Variants in SVEP1 observed in about 807,000 individuals in gnomAD.
The protein encoded by SVEP1 is sushi, von Willebrand factor type A, EGF and pentraxin domain-containing protein 1.
In SVEP1, 164 loss-of-function variants were observed where a neutral mutation model predicts 367.3. That is an observed-to-expected ratio of 0.45 (90% CI 0.39 to 0.51). SVEP1 has a LOEUF of 0.51. Ranked by LOEUF, SVEP1 falls within the 20% of genes least tolerant of loss-of-function variation. The pLI is 0.00. For synonymous variants in SVEP1, 1,666 were observed against 1,611.6 expected (o/e 1.03, Z -0.81); for missense variants, 4,117 against 4,425.3 (o/e 0.93, Z 1.98).
At chr9:110,547,340 T>C (rs1422495944) in intron 2 of SVEP1, among the ~76,000 whole-genome samples, 1 of 152,082 alleles carries the variant, frequency 6.6e-6, no homozygotes, top group Non-Finnish European at 1.5e-5. Flanking sequence ...TAAAGCAAGT[T>C]AGGGAGCAAG....
At chr9:110,383,544 G>A (rs1214723659) in intron 43 of SVEP1, among the ~76,000 whole-genome samples, 2 of 50,174 alleles carry the variant, frequency 4.0e-5, no homozygotes, top group South Asian at 5.5e-4. Flanking sequence ...GGTCTCATCC[G>A]TGACCCCTGT....
chr9:110,504,629 C>T (rs896823563), intron 5 of SVEP1, among the ~76,000 whole-genome samples: 3 of 152,180 alleles, frequency 2.0e-5, no homozygotes, highest in Non-Finnish European at 2.9e-5. Flanking sequence ...AAAAATGAAG[C>T]CTTAATTGGC....
At chr9:110,389,710 G>A in intron 40 of SVEP1, 123 bp from the exon 41 acceptor site, 2 of 1,010,158 alleles carry the variant, frequency 2.0e-6, no homozygotes, top group East Asian at 2.6e-5. Flanking sequence ...AAATAAACAT[G>A]TTAAAAACAT....
chr9:110,516,940 T>C (rs993356022), intron 3 of SVEP1, among the ~76,000 whole-genome samples: 11 of 151,950 alleles, frequency 7.2e-5, no homozygotes, highest in Non-Finnish European at 1.6e-4. Flanking sequence ...GAAAGAAAAA[T>C]ATTGCAAGCT....
intron 36 of SVEP1, among the ~76,000 whole-genome samples, chr9:110,415,539 T>A (rs927107694): frequency 1.3e-5 from 2 of 152,020 alleles, no homozygotes; most frequent in African/African-American, 4.8e-5. Context: ...ACAGGTCATA[T>A]TTTACAAAGG....
intron 3 of SVEP1, among the ~76,000 whole-genome samples, chr9:110,540,088 T>C (rs1292809879): frequency 6.6e-6 from 1 of 152,138 alleles, no homozygotes; most frequent in African/African-American, 2.4e-5. Flanking sequence ...GTCTGGTACA[T>C]AGTAAGCACT....
intron 3 of SVEP1, among the ~76,000 whole-genome samples, chr9:110,538,712 C>G (rs1830108439): frequency 6.6e-6 from 1 of 152,070 alleles, no homozygotes; most frequent in Non-Finnish European, 1.5e-5. Context: ...CTAATCATGC[C>G]TAACTCATTG....
chr9:110,511,484 G>T (rs1829710260), intron 5 of SVEP1, among the ~76,000 whole-genome samples: 1 of 71,372 alleles, frequency 1.4e-5, no homozygotes, highest in East Asian at 4.3e-4. Context: ...CATTGTGTCA[G>T]TACCTTTTTT....
At chr9:110,461,807 G>A (rs555030258) in intron 18 of SVEP1, among the ~76,000 whole-genome samples, 1 of 152,212 alleles carries the variant, frequency 6.6e-6, no homozygotes, top group African/African-American at 2.4e-5. Flanking sequence ...GTCTTTACAT[G>A]CATAAAATTT....
rs544398605 is a variant in SVEP1 at position 110,545,929 on chromosome 9, G to A, written c.964+186C>T. On this transcript the variant is annotated intron_variant, in intron 3 of 47. Coordinates refer to ENST00000374469, the MANE Select transcript of SVEP1 (RefSeq NM_153366.4). ...AAGAGAATCCAGCTGAGATCAGCCA[G>A]CAGCCTACTCAACTCACCGCTGATG... 1.4e-3 allele frequency among the ~76,000 whole-genome samples: 210 copies of A among 152,332 alleles called. 2 individuals are homozygous for A. Among genetic ancestry groups the A allele is most frequent in the African/African-American group, 4.9e-3 (203 of 41,570 alleles).
chr9:110,412,124 C>T (rs1828053994), intron 36 of SVEP1, among the ~76,000 whole-genome samples: 1 of 152,170 alleles, frequency 6.6e-6, no homozygotes, highest in African/African-American at 2.4e-5. Context: ...AATTGCTATA[C>T]ATTTAAAAAA....
At chr9:110,528,826 A>G (rs1829978852) in intron 3 of SVEP1, among the ~76,000 whole-genome samples, 1 of 151,504 alleles carries the variant, frequency 6.6e-6, no homozygotes, top group Non-Finnish European at 1.5e-5. Flanking sequence ...ATTAAAATAA[A>G]TATATTTTAA....
Position 110,408,627 on chromosome 9 carries a change from C to G in SVEP1, c.6973G>C (p.Glu2325Gln). 6.2e-7 allele frequency: 1 copy of G among 1,613,970 alleles called. No homozygotes were observed. The highest frequency in any genetic ancestry group is 8.5e-7 in the Non-Finnish European group (1 of 1,179,892). Reference protein sequence around the residue: ...NPKCMPAKCPEPPLLENQLVL... With the variant: ...NPKCMPAKCPQPPLLENQLVL... Reference sequence around the variant, plus strand: ...AGCTGGTTTTCCAAGAGGGGCGGCTCTGGGCACTTGGCAGGCATGCACTTT... The same window carrying G: ...AGCTGGTTTTCCAAGAGGGGCGGCTGTGGGCACTTGGCAGGCATGCACTTT... Residue 2325 changes from glutamate to glutamine, a missense_variant, in exon 38 of 48, where the codon GAG (glutamate) becomes CAG (glutamine). By Grantham distance (29) the Glu-to-Gln change is conservative. This residue lies in a region of SVEP1 where 1,765 missense variants were observed against 1,781.1 expected (regional missense o/e 0.99). Transcript: ENST00000374469.
intron 1 of SVEP1, among the ~76,000 whole-genome samples, chr9:110,550,528 G>A (rs75651495): frequency 0.037 from 4,755 of 127,322 alleles, 86 homozygotes; most frequent in Middle Eastern, 0.066. Context: ...CTATCTATCT[G>A]TCTATCATCT....
chr9:110,414,333 G>T (rs574668987), intron 36 of SVEP1, among the ~76,000 whole-genome samples: 23 of 152,098 alleles, frequency 1.5e-4, no homozygotes, highest in Non-Finnish European at 1.0e-4. Context: ...AAATAACAGT[G>T]TATCAGCAGA....
At chr9:110,456,922 C>G (rs1481718156) in intron 21 of SVEP1, among the ~76,000 whole-genome samples, 1 of 152,150 alleles carries the variant, frequency 6.6e-6, no homozygotes, top group African/African-American at 2.4e-5. Flanking sequence ...TTATACTGGA[C>G]AATCTGTTCT....
intron 5 of SVEP1, among the ~76,000 whole-genome samples, chr9:110,508,878 T>A (rs1396042357): frequency 6.6e-6 from 1 of 152,020 alleles, no homozygotes; most frequent in East Asian, 1.9e-4. Flanking sequence ...GTTTACCAAT[T>A]ATTAGTCAAC....
At chr9:110,377,865 C>G (rs1426852210) in intron 44 of SVEP1, among the ~76,000 whole-genome samples, 1 of 152,140 alleles carries the variant, frequency 6.6e-6, no homozygotes, top group East Asian at 1.9e-4. Flanking sequence ...AGCAACATCT[C>G]CCTATCCTCA....
chr9:110,408,417 A>G lies in SVEP1; in HGVS notation c.7183T>C (p.Ser2395Pro), dbSNP rs776437900. Residue 2395 changes from serine to proline, a missense_variant, in exon 38 of 48, where the codon TCT becomes CCT. Coordinates refer to ENST00000374469, the MANE Select transcript of SVEP1 (RefSeq NM_153366.4). ...GTACTTCCAAAATGAAGAGCAGAAG[A>G]AGGAATGGGGACACCAAAGGAAATT... ...PLISFGVPIP[S>P]SALHFGSTVK... The G allele has an allele frequency of 5.0e-6, 8 of 1,613,962 alleles. No individual in the cohort carries two copies. The highest frequency in any genetic ancestry group is 1.3e-5 in the African/African-American group (1 of 75,048).
Sources: gnomAD v4.1 joint callset for allele counts (sites outside exome capture counted in the v4.1 genomes callset) on GRCh38, gnomAD v4.1.1 for gene constraint, gnomAD v4.1.1 regional missense constraint, MANE v1.5 for transcripts, NCBI Gene and HGNC (gene_info 2026-07-23, HGNC 2026-07-21) for gene names.